The following MICAL3 variants were observed in gnomAD, a reference collection of about 807,000 sequenced individuals.
MICAL3 encodes [F-actin]-monooxygenase MICAL3.
A neutral mutation model predicts 207.4 loss-of-function variants in MICAL3; 62 were observed. That is an observed-to-expected ratio of 0.30 (90% CI 0.24 to 0.37). MICAL3 has a LOEUF of 0.37. MICAL3 is among the 10% of genes least tolerant of loss of function. The pLI is 1.00. For missense variants in MICAL3, 2,368 were observed against 2,635.6 expected (o/e 0.90, Z 2.22); for synonymous variants, 1,077 against 1,069.3 (o/e 1.01, Z -0.14).
At chr22:17,874,436 A>AG (rs1490025534) in intron 16 of MICAL3, among the ~76,000 whole-genome samples, 1 of 152,182 alleles carries the variant, frequency 6.6e-6, no homozygotes, top group African/African-American at 2.4e-5. Flanking sequence ...GTATGAGGCC[A>AG]GGACACCAAG....
chr22:17,877,518 G>A (rs1225355139), intron 16 of MICAL3, among the ~76,000 whole-genome samples: 19 of 141,284 alleles, frequency 1.3e-4, no homozygotes, highest in Non-Finnish European at 2.5e-4. Flanking sequence ...GGTTAGGGAG[G>A]TTAGGGAGGT....
chr22:17,818,983 C>T lies in MICAL3; in HGVS notation c.3678G>A (p.Gln1226=). ...LKAVHSPIRS[Q]PVTLPEARTP... is the part of the protein sequence containing the mutation. ...TCCTAGCTTCTGGCAGGGTCACTGGCTGTGATCGGATGGGAGAGTGCACAG... is the reference window on the plus strand; with the variant it reads ...TCCTAGCTTCTGGCAGGGTCACTGGTTGTGATCGGATGGGAGAGTGCACAG... Residue 1226 remains glutamine (Q), a synonymous_variant, in exon 26 of 32, where the codon CAG becomes CAA. Transcript: ENST00000441493. 1 of 1,608,948 alleles carries T rather than the reference C, an allele frequency of 6.2e-7. No individual in the cohort carries two copies. Among genetic ancestry groups the T allele is most frequent in the Non-Finnish European group, 8.5e-7 (1 of 1,177,830 alleles).
chr22:17,904,602 G>A (rs757403257), intron 3 of MICAL3, 30 bp downstream of exon 3: 1 of 1,546,174 alleles, frequency 6.5e-7, no homozygotes, highest in South Asian at 1.1e-5. Context: ...GGGTAGGGTG[G>A]AATCTTACAG....
In MICAL3 at chr22:17,906,834, C is replaced by T. The variant is rs751829376; in HGVS notation, c.-22G>A. The T allele has an allele frequency of 1.3e-6, 2 of 1,556,332 alleles. No individual in the cohort carries two copies. Among genetic ancestry groups the T allele is most frequent in the South Asian group, 2.4e-5 (2 of 82,742 alleles). On this transcript the variant is annotated 5_prime_UTR_variant, in exon 2 of 32. Coordinates refer to ENST00000441493, the MANE Select transcript of MICAL3 (RefSeq NM_015241.3). The stretch of plus-strand genomic sequence containing the variant: ...CCATGCTGCCTCACTCTCAGCACTC[C>T]CCAGAGGGGGAGGTGGGATGGCTGT...
rs114959680 is a variant in MICAL3 at position 17,880,978 on chromosome 22, G to A, written c.2241+4900C>T. Among the ~76,000 whole-genome samples, 365 of 152,324 alleles carry A rather than the reference G, an allele frequency of 2.4e-3. 2 individuals carry two copies. Among genetic ancestry groups the A allele is most frequent in the African/African-American group, 8.4e-3 (351 of 41,578 alleles). On this transcript the variant is annotated intron_variant, in intron 16 of 31. Transcript: ENST00000441493. ...ACTTCTAGTTCGTGGTGGGACAGTC[G>A]TGTTTCCATGATGTGGGTGGGACTG...
intron 1 of MICAL3, among the ~76,000 whole-genome samples, chr22:17,983,979 A>G (rs1045592735): frequency 1.3e-5 from 2 of 152,192 alleles, no homozygotes; most frequent in Non-Finnish European, 2.9e-5. Context: ...AACGCAAATC[A>G]TCGTGACTCT....
At chr22:17,966,281 G>C (rs1935137933) in intron 1 of MICAL3, among the ~76,000 whole-genome samples, 1 of 152,056 alleles carries the variant, frequency 6.6e-6, no homozygotes, top group East Asian at 1.9e-4. Context: ...CAGCCTGTGG[G>C]CACATTCCAC....
rs556896588 is a variant in MICAL3 at position 17,817,808 on chromosome 22, C to G, written c.4853G>C (p.Ser1618Thr). The G allele has an allele frequency of 1.9e-6, 3 of 1,609,462 alleles. No homozygotes were observed. In the Admixed American group the frequency reaches 5.0e-5, roughly 27 times the overall value. ...GGCCAGCTCCATCTGCTGCATCCTG[C>G]TCAGCTGCCTGGCCATGGCGTCCCG... ...ALRDAMARQL[S>T]RMQQMELASG... The change falls in exon 26 of 32, where the codon AGC becomes ACC. Residue 1618 changes from serine (S) to threonine (T), a missense_variant. By Grantham distance (58) the Ser-to-Thr change is moderately conservative (BLOSUM62 1). Coordinates refer to ENST00000441493, the MANE Select transcript of MICAL3 (RefSeq NM_015241.3).
chr22:17,823,195 G>A, intron 22 of MICAL3, 135 bp from the exon 23 acceptor site: 2 of 646,650 alleles, frequency 3.1e-6, no homozygotes, highest in Non-Finnish European at 2.7e-6. Context: ...ATGCTGCCAG[G>A]CCCAGGGGGC....
At chr22:18,000,933 G>A (rs949116193) in intron 1 of MICAL3, among the ~76,000 whole-genome samples, 5 of 152,218 alleles carry the variant, frequency 3.3e-5, no homozygotes, top group East Asian at 3.9e-4. Context: ...TGCGGACTCC[G>A]GTAAAGACAG....
intron 27 of MICAL3, 71 bp from the exon 28 acceptor site, chr22:17,810,884 A>T: frequency 8.0e-7 from 1 of 1,249,774 alleles, no homozygotes; most frequent in Non-Finnish European, 1.2e-6. Flanking sequence ...CAGCAGGCCA[A>T]CAGGGGCCTG....
chr22:17,896,161 G>A (rs981882620), intron 9 of MICAL3, 85 bp downstream of exon 9: 50 of 676,688 alleles, frequency 7.4e-5, no homozygotes, highest in Non-Finnish European at 1.2e-4. Context: ...AAAGAAGAAG[G>A]AAGAACTTGC....
In MICAL3 at chr22:17,827,703, A is replaced by G; in HGVS notation, c.3134T>C (p.Ile1045Thr). The G allele has an allele frequency of 6.3e-7, 1 of 1,581,400 alleles. No homozygotes were observed. The highest frequency in any genetic ancestry group is 8.6e-7 in the Non-Finnish European group (1 of 1,163,780). The change falls in exon 22 of 32, where the codon ATC (isoleucine) becomes ACC (threonine). Residue 1045 changes from isoleucine (I) to threonine (T), a missense_variant. Transcript: ENST00000441493. ...EIQADVHWTH[I>T]REREEEERMA... ...CCTCTCTTCCTCCTCTCTCTCACGG[A>G]TATGAGTCCAGTGCACGTCAGCCTG...
chr22:17,976,573 A>C, intron 1 of MICAL3, among the ~76,000 whole-genome samples: 1 of 87,804 alleles, frequency 1.1e-5, no homozygotes, highest in Non-Finnish European at 2.1e-5. Context: ...ATATATATAT[A>C]TATATATATA....
chr22:17,879,322 T>C (rs1929197728), intron 16 of MICAL3: 1 of 1,595,800 alleles, frequency 6.3e-7, no homozygotes, highest in African/African-American at 1.4e-5. Flanking sequence ...CAGCATCCCA[T>C]GCCACGGGTT....
intron 1 of MICAL3, among the ~76,000 whole-genome samples, chr22:17,921,455 T>C (rs539684841): frequency 5.3e-5 from 8 of 152,334 alleles, no homozygotes; most frequent in Non-Finnish European, 1.0e-4. Context: ...TTCCCTTGAC[T>C]GACACTAGCT....
In MICAL3 at chr22:17,904,732, G is replaced by A; in HGVS notation, c.372C>T (p.Asn124=). The stretch of plus-strand genomic sequence containing the variant: ...TGAATGGCCAGAGATGCAAGACGTT[G>A]TTGCGGGAGAAGGCATCTCGTTTCT... ...VIEKRDAFSR[N]NVLHLWPFTI... The change falls in exon 3 of 32, where the codon AAC becomes AAT. Residue 124 remains asparagine (N), a synonymous_variant. Coordinates refer to ENST00000441493, the MANE Select transcript of MICAL3 (RefSeq NM_015241.3). The A allele has an allele frequency of 6.2e-7, 1 of 1,613,872 alleles. No individual in the cohort carries two copies. Among genetic ancestry groups the A allele is most frequent in the Non-Finnish European group, 8.5e-7 (1 of 1,179,746 alleles).
intron 16 of MICAL3, among the ~76,000 whole-genome samples, chr22:17,877,845 CTTCT>C (rs1318661184): frequency 1.3e-5 from 2 of 152,052 alleles, no homozygotes; most frequent in African/African-American, 4.8e-5. Context: ...CCCCTCCCTT[CTTCT>C]TTTTTTTGAG....
At chr22:17,904,156 C>T (rs1250134703) in intron 3 of MICAL3, among the ~76,000 whole-genome samples, 1 of 152,242 alleles carries the variant, frequency 6.6e-6, no homozygotes, top group Admixed American at 6.5e-5. Context: ...GCGCCTCCTG[C>T]AAGTGTGGCT....
Sources: gnomAD v4.1 joint callset for allele counts (sites outside exome capture counted in the v4.1 genomes callset) on GRCh38, gnomAD v4.1.1 for gene constraint, MANE v1.5 for transcripts, NCBI Gene and HGNC (gene_info 2026-07-23, HGNC 2026-07-21) for gene names.